Variants in FHL2 observed in about 807,000 individuals in gnomAD.
FHL2 encodes the protein four and a half LIM domains protein 2.
A neutral mutation model predicts 32.7 loss-of-function variants in FHL2; 20 were observed. The ratio of observed to expected loss-of-function variants is 0.61; its 90% CI spans 0.43 to 0.89. The LOEUF is 0.89. Among genes scored for constraint, FHL2 ranks in the 40% least tolerant of loss-of-function variants. The probability of loss-of-function intolerance (pLI) is 0.00; values close to 1 mark genes in which losing one functional copy is unlikely to be tolerated. For synonymous variants in FHL2, 123 were observed against 128.1 expected (o/e 0.96, Z 0.27); for missense variants, 311 against 358.6 (o/e 0.87, Z 1.07).
intron 1 of FHL2, among the ~76,000 whole-genome samples, chr2:105,428,607 C>T (rs1684333314): frequency 6.6e-6 from 1 of 152,216 alleles, no homozygotes; most frequent in South Asian, 2.1e-4. Context: ...CCATGCTTGC[C>T]CTGTCCCTTG....
intron 1 of FHL2, among the ~76,000 whole-genome samples, chr2:105,428,487 G>C (rs544149673): frequency 6.6e-6 from 1 of 152,146 alleles, no homozygotes; most frequent in African/African-American, 2.4e-5. Context: ...AATTACCTTC[G>C]GGATCTTTCC....
At chr2:105,417,771 G>A (rs1204881034) in intron 1 of FHL2, among the ~76,000 whole-genome samples, 1 of 150,842 alleles carries the variant, frequency 6.6e-6, no homozygotes, top group Non-Finnish European at 1.5e-5. Flanking sequence ...ATTAATAATT[G>A]TTACTGTTGT....
At chr2:105,383,724 T>A (rs1267130821) in intron 3 of FHL2, among the ~76,000 whole-genome samples, 1 of 152,146 alleles carries the variant, frequency 6.6e-6, no homozygotes, top group Non-Finnish European at 1.5e-5. Context: ...GGGCTTTACT[T>A]CCAGAAAAAA....
In FHL2 at chr2:105,398,970, G is replaced by C. The variant is rs773979088; in HGVS notation, c.-204C>G. 5.9e-6 allele frequency: 9 copies of C among 1,528,884 alleles called. No individual in the cohort carries two copies. The Admixed American group carries it at 6.3e-5, about 11-fold the overall frequency. 94.7% of individuals were successfully genotyped at this position (1,528,884 alleles called of 1,614,324 possible). On this transcript the variant is annotated 5_prime_UTR_variant, in exon 1 of 7. Coordinates refer to ENST00000530340, the MANE Select transcript of FHL2 (RefSeq NM_001318895.3). ...GGCGCAGGGGGTTGGAGGTACTCAC[G>C]GCACCGCAGCGGGCCGGGGACTCCC...
intron 3 of FHL2, among the ~76,000 whole-genome samples, chr2:105,380,265 G>A (rs953896648): frequency 6.6e-6 from 1 of 152,188 alleles, no homozygotes; most frequent in African/African-American, 2.4e-5. Flanking sequence ...GCCTAGAAGC[G>A]AGATTGTCAT....
chr2:105,429,348 A>G (rs910190984), intron 1 of FHL2, among the ~76,000 whole-genome samples: 1 of 152,178 alleles, frequency 6.6e-6, no homozygotes, highest in African/African-American at 2.4e-5. Context: ...GGCTTTGCAG[A>G]TGTGATTAAG....
upstream of FHL2, among the ~76,000 whole-genome samples, chr2:105,402,229 A>G (rs549499105): frequency 7.9e-4 from 116 of 147,484 alleles, 1 homozygote; most frequent in African/African-American, 2.9e-3. Flanking sequence ...ATGTGTGTAT[A>G]TATATATGTG....
intron 1 of FHL2, among the ~76,000 whole-genome samples, chr2:105,407,798 C>CGCT (rs1435059098): frequency 6.6e-6 from 1 of 152,118 alleles, no homozygotes; most frequent in African/African-American, 2.4e-5. Flanking sequence ...ATCCTCCCCC[C>CGCT]GCTGCCACCA....
chr2:105,432,233 C>T (rs1159836037), intron 1 of FHL2, among the ~76,000 whole-genome samples: 1 of 152,196 alleles, frequency 6.6e-6, no homozygotes, highest in African/African-American at 2.4e-5. Context: ...TTTGCACCTG[C>T]TCATAGATTT....
chr2:105,415,630 A>G (rs1474135798), intron 1 of FHL2, among the ~76,000 whole-genome samples: 1 of 152,252 alleles, frequency 6.6e-6, no homozygotes, highest in Non-Finnish European at 1.5e-5. Flanking sequence ...AGTTTGCAAG[A>G]ACGAAAACCG....
chr2:105,397,338 A>G (rs2104629104), intron 1 of FHL2, among the ~76,000 whole-genome samples: 1 of 152,182 alleles, frequency 6.6e-6, no homozygotes, highest in Non-Finnish European at 1.5e-5. Flanking sequence ...GAGGCTATCA[A>G]ATATGTATAC....
At chr2:105,428,610 G>C (rs1318098330) in intron 1 of FHL2, among the ~76,000 whole-genome samples, 1 of 152,216 alleles carries the variant, frequency 6.6e-6, no homozygotes, top group African/African-American at 2.4e-5. Flanking sequence ...TGCTTGCCCT[G>C]TCCCTTGGCT....
chr2:105,427,521 G>A (rs776081492), intron 1 of FHL2, among the ~76,000 whole-genome samples: 3 of 152,260 alleles, frequency 2.0e-5, no homozygotes, highest in South Asian at 2.1e-4. Context: ...AGTGAGCTCC[G>A]GGGCTTGGGG....
intron 5 of FHL2, among the ~76,000 whole-genome samples, chr2:105,367,113 T>C (rs547782124): frequency 1.3e-5 from 2 of 152,362 alleles, no homozygotes; most frequent in South Asian, 2.1e-4. Flanking sequence ...CCCATATCCA[T>C]GGAGGCAGAC....
At chr2:105,413,541 A>G (rs1382613958) in intron 1 of FHL2, among the ~76,000 whole-genome samples, 1 of 152,014 alleles carries the variant, frequency 6.6e-6, no homozygotes, top group Admixed American at 6.6e-5. Context: ...TGGCATGTTC[A>G]CAGCTCACTA....
chr2:105,370,374 C>CA (rs57298525), intron 4 of FHL2, among the ~76,000 whole-genome samples: 16,816 of 139,782 alleles, frequency 0.12, 1,095 homozygotes, highest in East Asian at 0.32. Context: ...GATCCTGGCT[C>CA]AAAAAAAAAA....
chr2:105,399,366 G>C (rs1221499028), upstream of FHL2: 12 of 1,535,900 alleles, frequency 7.8e-6, no homozygotes, highest in South Asian at 9.5e-5. Context: ...CCCACGCCGG[G>C]ATCTCTGCCT....
chr2:105,427,367 TG>T (rs1477453095), intron 1 of FHL2, among the ~76,000 whole-genome samples: 2 of 152,234 alleles, frequency 1.3e-5, no homozygotes, highest in East Asian at 3.8e-4. Flanking sequence ...ACTGATTTCA[TG>T]ACCCATGATA....
intron 2 of FHL2, among the ~76,000 whole-genome samples, chr2:105,393,041 C>T (rs7596799): frequency 0.26 from 39,396 of 151,240 alleles, 5,240 homozygotes; most frequent in African/African-American, 0.28. Flanking sequence ...GCTGCCATGA[C>T]AGACAGCCTC....
Sources: allele counts gnomAD v4.1 joint callset (sites outside exome capture counted in the v4.1 genomes callset), GRCh38; gene constraint gnomAD v4.1.1; transcripts MANE v1.5; gene names NCBI Gene and HGNC (gene_info 2026-07-23, HGNC 2026-07-21).